The following CSMD3 variants were observed in gnomAD, a reference collection of about 807,000 sequenced individuals.
CSMD3 encodes CUB and sushi domain-containing protein 3.
Under a neutral mutation model 435.2 loss-of-function variants are expected in CSMD3, and 177 were observed. The observed-to-expected ratio is 0.41, with a 90% CI of 0.36 to 0.46. The LOEUF (loss-of-function observed/expected upper bound fraction) is 0.46, where lower values mean the gene tolerates loss of function less well. Ranked by LOEUF, CSMD3 falls within the 20% of genes least tolerant of loss-of-function variation. The pLI is 0.34. For missense variants in CSMD3, 4,265 were observed against 4,504.6 expected, an observed-to-expected ratio of 0.95 and a Z score of 1.52; for synonymous variants, 1,656 against 1,520.5, an observed-to-expected ratio of 1.09 and a Z score of -2.07.
intron 5 of CSMD3, among the ~76,000 whole-genome samples, chr8:113,027,345 A>T (rs1366430197): frequency 6.6e-6 from 1 of 151,566 alleles, no homozygotes; most frequent in Non-Finnish European, 1.5e-5. Flanking sequence ...TCAAAAAAAT[A>T]AAAAAAACTT....
chr8:113,280,171 C>T (rs1196100667), intron 2 of CSMD3, among the ~76,000 whole-genome samples: 1 of 151,856 alleles, frequency 6.6e-6, no homozygotes, highest in Non-Finnish European at 1.5e-5. Context: ...TAGGATGATG[C>T]TGGCTTCATA....
At chr8:112,830,112 T>C (rs1316633857) in intron 11 of CSMD3, among the ~76,000 whole-genome samples, 1 of 152,190 alleles carries the variant, frequency 6.6e-6, no homozygotes, top group Non-Finnish European at 1.5e-5. Flanking sequence ...TGAAGAATGA[T>C]TAAAGCAAAT....
chr8:113,355,749 T>TACACACACACAC (rs1554618938), intron 1 of CSMD3, among the ~76,000 whole-genome samples: 26 of 81,324 alleles, frequency 3.2e-4, no homozygotes, highest in African/African-American at 1.4e-3. Context: ...TATATATATA[T>TACACACACACAC]ACACACACAC....
chr8:112,865,446 A>G (rs2446470), intron 10 of CSMD3, among the ~76,000 whole-genome samples: 20,897 of 152,084 alleles, frequency 0.14, 1,697 homozygotes, highest in Middle Eastern at 0.3. Flanking sequence ...TTTAAAATAA[A>G]TTGAAGGACT....
intron 59 of CSMD3, among the ~76,000 whole-genome samples, chr8:112,280,623 A>G (rs1419450053): frequency 3.3e-5 from 5 of 152,172 alleles, no homozygotes; most frequent in Non-Finnish European, 7.3e-5. Flanking sequence ...TAAATAAGCA[A>G]TAATGTGTAT....
chr8:112,578,682 A>G (rs926119997), intron 23 of CSMD3, among the ~76,000 whole-genome samples: 4 of 152,094 alleles, frequency 2.6e-5, no homozygotes, highest in African/African-American at 4.8e-5. Context: ...CAATACAGAG[A>G]TATTGACAAA....
chr8:112,915,608 A>G (rs1188900622), intron 10 of CSMD3, among the ~76,000 whole-genome samples: 4 of 151,744 alleles, frequency 2.6e-5, no homozygotes, highest in Non-Finnish European at 5.9e-5. Context: ...ACTTCATAAT[A>G]AAAATGCATG....
At chr8:113,171,909 A>G (rs2092274868) in intron 4 of CSMD3, among the ~76,000 whole-genome samples, 1 of 152,168 alleles carries the variant, frequency 6.6e-6, no homozygotes, top group Admixed American at 6.5e-5. Context: ...GCCTTGAGAG[A>G]CGGAGATAGT....
intron 30 of CSMD3, among the ~76,000 whole-genome samples, chr8:112,498,280 T>C (rs1821576911): frequency 6.6e-6 from 1 of 152,108 alleles, no homozygotes; most frequent in Non-Finnish European, 1.5e-5. Context: ...GGTCTAATCA[T>C]TGAATCTAGA....
At chr8:112,771,607 A>G (rs1416674355) in intron 13 of CSMD3, among the ~76,000 whole-genome samples, 1 of 152,036 alleles carries the variant, frequency 6.6e-6, no homozygotes, top group African/African-American at 2.4e-5. Context: ...TCAGAGAGCA[A>G]TAATTAATTT....
intron 13 of CSMD3, among the ~76,000 whole-genome samples, chr8:112,716,073 AG>A (rs1353978313): frequency 6.6e-6 from 1 of 152,198 alleles, no homozygotes; most frequent in African/African-American, 2.4e-5. Context: ...AGATTTGTCC[AG>A]GGCAATCAGG....
At chr8:112,481,952 A>G (rs1165942398) in intron 31 of CSMD3, among the ~76,000 whole-genome samples, 1 of 152,120 alleles carries the variant, frequency 6.6e-6, no homozygotes, top group Non-Finnish European at 1.5e-5. Flanking sequence ...GCCTCCAATA[A>G]TGCTCCATTA....
At chr8:112,741,822 TAG>T (rs2077317630) in intron 13 of CSMD3, among the ~76,000 whole-genome samples, 1 of 151,756 alleles carries the variant, frequency 6.6e-6, no homozygotes, top group Middle Eastern at 3.2e-3. Flanking sequence ...GATAGATAGA[TAG>T]ATAACACAAA....
At chr8:112,594,241 C>A (rs1230832156) in intron 22 of CSMD3, among the ~76,000 whole-genome samples, 1 of 152,140 alleles carries the variant, frequency 6.6e-6, no homozygotes, top group African/African-American at 2.4e-5. Context: ...CTTTCCGAGT[C>A]AAAGAAAGGG....
chr8:113,065,175 G>T (rs2088799323), intron 5 of CSMD3, among the ~76,000 whole-genome samples: 1 of 152,050 alleles, frequency 6.6e-6, no homozygotes, highest in African/African-American at 2.4e-5. Context: ...ATATTATTTT[G>T]CAATAAATAA....
chr8:112,389,138 TA>T (rs1333390485), intron 36 of CSMD3, among the ~76,000 whole-genome samples: 1 of 152,178 alleles, frequency 6.6e-6, no homozygotes, highest in East Asian at 1.9e-4. Context: ...AGACTGGCTC[TA>T]TTAGAGTATT....
chr8:113,429,257 GAA>G (rs1395667005), intron 1 of CSMD3, among the ~76,000 whole-genome samples: 1 of 151,072 alleles, frequency 6.6e-6, no homozygotes, highest in Non-Finnish European at 1.5e-5. Flanking sequence ...TATATCATGT[GAA>G]AAAATATGCA....
At chr8:112,742,807 T>C (rs2077341770) in intron 13 of CSMD3, among the ~76,000 whole-genome samples, 3 of 151,906 alleles carry the variant, frequency 2.0e-5, no homozygotes, top group African/African-American at 7.3e-5. Context: ...TGCAAGGAAA[T>C]GAAGAAGACT....
At position 113,390,021 on chromosome 8, in the gene CSMD3, T is replaced by C. The variant is rs139178889; in HGVS notation, c.178+46656A>G. Among the ~76,000 whole-genome samples the C allele has an allele frequency of 2.4e-3, 362 of 151,958 alleles. 1 individual carries two copies. The East Asian group carries it at 0.024, about 10-fold the overall frequency. ...CCTAGACTCCATTGTTATACTGCAT[T>C]GTGTGTATTATTGCCCAGGTTATTT... is the stretch of plus-strand genomic sequence containing the variant. On this transcript the variant is annotated intron_variant, in intron 1 of 70. Transcript: ENST00000297405.
Sources: gnomAD v4.1 joint callset for allele counts (sites outside exome capture counted in the v4.1 genomes callset) on GRCh38, gnomAD v4.1.1 for gene constraint, MANE v1.5 for transcripts, NCBI Gene and HGNC (gene_info 2026-07-23, HGNC 2026-07-21) for gene names.